The following TOP2B variants were observed in gnomAD, a reference collection of about 807,000 sequenced individuals.
TOP2B encodes DNA topoisomerase 2-beta.
In TOP2B, 51 loss-of-function variants were observed where a neutral mutation model predicts 193.5. The ratio of observed to expected loss-of-function variants is 0.26; its 90% CI spans 0.21 to 0.33. The LOEUF (loss-of-function observed/expected upper bound fraction) is 0.33. Among genes scored for constraint, TOP2B ranks in the 10% least tolerant of loss-of-function variants. TOP2B has a pLI of 1.00. For synonymous variants in TOP2B, 634 were observed against 635.7 expected (o/e 1.00, Z 0.04); for missense variants, 1,378 against 1,909.3 (o/e 0.72, Z 5.19).
At chr3:25,630,973 C>A in intron 10 of TOP2B, 34 bp from the exon 11 acceptor site, 1 of 1,536,990 alleles carries the variant, frequency 6.5e-7, no homozygotes, top group East Asian at 2.4e-5. Flanking sequence ...TACAAACAAG[C>A]TGAAAATTCA....
At position 25,609,661 on chromosome 3, in the gene TOP2B, C is replaced by T; in HGVS notation, c.3838G>A (p.Gly1280Arg). 6.5e-7 allele frequency: 1 copy of T among 1,537,932 alleles called. No individual in the cohort carries two copies. The highest frequency in any genetic ancestry group is 8.7e-7 in the Non-Finnish European group (1 of 1,148,080). The change falls in exon 29 of 36, where the codon GGA (glycine) becomes AGA (arginine). Residue 1280 changes from glycine to arginine, a missense_variant. Physicochemically the swap from Gly to Arg is moderately radical, Grantham distance 125. Transcript: ENST00000264331. ...VKVEFDEEFS[G>R]APVEGAGEEA... Reference sequence around the variant, plus strand: ...TCTCCTGCACCTTCTACTGGTGCTCCACTGAATTCTTCATCAAATTCCACT... The same window carrying T: ...TCTCCTGCACCTTCTACTGGTGCTCTACTGAATTCTTCATCAAATTCCACT...
In TOP2B at chr3:25,662,975, G is replaced by C. The variant is rs570771922; in HGVS notation, c.69+1254C>G. Among the ~76,000 whole-genome samples, 3 of 152,294 alleles carry C rather than the reference G, an allele frequency of 2.0e-5. No homozygotes were observed. The South Asian group carries it at 6.2e-4, about 32-fold the overall frequency. ...TCCTCTCACATACCCTCTACTGCAA[G>C]TCCACATGGACCACTAACTTAGTAT... On this transcript the variant is annotated intron_variant, in intron 1 of 35. Coordinates refer to ENST00000264331, the MANE Select transcript of TOP2B (RefSeq NM_001330700.2).
Position 25,654,789 on chromosome 3 carries a change from C to A in TOP2B, c.70-9319G>T, listed in dbSNP as rs1703698369. 6.6e-5 allele frequency among the ~76,000 whole-genome samples: 10 copies of A among 152,142 alleles called. No homozygotes were observed. In the South Asian group the frequency reaches 2.1e-3, roughly 32 times the overall value. On this transcript the variant is annotated intron_variant, in intron 1 of 35. Transcript: ENST00000264331. ...TTACATAAAAGGCCAAATGATTTTT[C>A]ACAAGAATGCCAAGACTACACAGTG...
rs775726398 is a variant in TOP2B, at chr3:25,664,299, G to C, written c.-2C>G. 1 of 1,531,784 alleles carries C rather than the reference G, an allele frequency of 6.5e-7. No individual in the cohort carries two copies. The highest frequency in any genetic ancestry group is 2.5e-5 in the East Asian group (1 of 40,434). The allele number at this position is 1,531,784 out of a possible 1,614,324, so 94.9% of individuals were successfully genotyped here. A position where few individuals can be genotyped will look rare whatever the true frequency, so the allele number is the denominator to read the frequency against. On this transcript the variant is annotated 5_prime_UTR_variant, in exon 1 of 36. Transcript: ENST00000264331. ...GCCGCAGCCACCCGACTTGGCCATG[G>C]CGAGTGCCTCCAGCTCACAGGCCCT...
chr3:25,623,440 C>G, intron 21 of TOP2B, 75 bp downstream of exon 21: 1 of 1,363,752 alleles, frequency 7.3e-7, no homozygotes, highest in Non-Finnish European at 1.0e-6. Context: ...TGTTCCATTA[C>G]TTTTCTAAAA....
chr3:25,604,808 G>T lies in TOP2B; in HGVS notation c.4441C>A (p.Leu1481Met). The T allele has an allele frequency of 6.2e-7, 1 of 1,612,908 alleles. No individual in the cohort carries two copies. The highest frequency in any genetic ancestry group is 1.1e-5 in the South Asian group (1 of 91,006). Residue 1481 changes from leucine to methionine, a missense_variant, in exon 33 of 36, where the codon CTG becomes ATG. Leu to Met is a conservative substitution (Grantham distance 15). This residue lies in a region of TOP2B where 556 missense variants were observed against 584.2 expected (regional missense o/e 0.95). Transcript: ENST00000264331. ...CTTGGAACTTTATCTGTCTGTTTCA[G>T]ACCAAATGATGGTGAAAAAACAGAA... ...SASVFSPSFG[L>M]KQTDKVPSKT...
chr3:25,638,314 TAAAAAAAAAAAAAAAAAAAAA>T lies in TOP2B; in HGVS notation c.396-25_396-5del, dbSNP rs56986587. 4.1e-3 allele frequency: 540 copies of T among 131,874 alleles called. 1 individual carries two copies. The highest frequency in any genetic ancestry group is 0.02 in the East Asian group (81 of 4,072). 8.2% of individuals were successfully genotyped at this position (131,874 alleles called of 1,614,324 possible). ...AATGCTTATAATGTTAGATTCACTGTAAAAAAAAAAAAAAAAAAAAAAAAAAAAAAAAAAAAAAGCAGAATT... is the reference window on the plus strand; with the variant it reads ...AATGCTTATAATGTTAGATTCACTGTAAAAAAAAAAAAAAAAAGCAGAATT... On this transcript the variant is annotated splice_region_variant and splice_polypyrimidine_tract_variant and intron_variant, in intron 4 of 35. Transcript: ENST00000264331.
rs1255453000 is a variant in TOP2B, at chr3:25,642,402, C to T, written c.332-17G>A. The T allele has an allele frequency of 1.3e-6, 2 of 1,499,976 alleles. No homozygotes were observed. Among genetic ancestry groups the T allele is most frequent in the East Asian group, 4.9e-5 (2 of 40,534 alleles). 92.9% of individuals were successfully genotyped at this position (1,499,976 alleles called of 1,614,324 possible). On this transcript the variant is annotated splice_polypyrimidine_tract_variant and intron_variant, in intron 3 of 35. Transcript: ENST00000264331. The stretch of plus-strand genomic sequence containing the variant: ...CAGCATTAACTACAAAATTAAACAC[C>T]TCAATGAGTAATATACAAAATTATA...
chr3:25,646,314 C>T (rs1703414509), intron 1 of TOP2B, among the ~76,000 whole-genome samples: 1 of 152,160 alleles, frequency 6.6e-6, no homozygotes, highest in Non-Finnish European at 1.5e-5. Flanking sequence ...AAATTTCACA[C>T]ATTTGTAGAT....
At chr3:25,659,991 A>G (rs1049673586) in intron 1 of TOP2B, among the ~76,000 whole-genome samples, 1 of 152,230 alleles carries the variant, frequency 6.6e-6, no homozygotes, top group African/African-American at 2.4e-5. Flanking sequence ...ATGGGGTTCT[A>G]TACGTGTTAA....
intron 18 of TOP2B, among the ~76,000 whole-genome samples, chr3:25,625,526 G>A (rs1702771745): frequency 7.9e-6 from 1 of 126,168 alleles, no homozygotes; most frequent in African/African-American, 3.3e-5. Context: ...AAAACATCAT[G>A]AGGTTTTTTG....
chr3:25,621,035 T>C (rs576402456), intron 21 of TOP2B, among the ~76,000 whole-genome samples: 1 of 152,330 alleles, frequency 6.6e-6, no homozygotes, highest in African/African-American at 2.4e-5. Flanking sequence ...CTAGTCTTCC[T>C]AGAACAGTAC....
chr3:25,624,189 G>T, intron 20 of TOP2B, 108 bp downstream of exon 20: 1 of 1,312,606 alleles, frequency 7.6e-7, no homozygotes, highest in South Asian at 1.4e-5. Flanking sequence ...CTTCTAAGTA[G>T]AATAACCAGA....
intron 22 of TOP2B, 41 bp downstream of exon 22, chr3:25,620,641 A>T: frequency 6.3e-7 from 1 of 1,587,708 alleles, no homozygotes; most frequent in Non-Finnish European, 8.6e-7. Flanking sequence ...ATTGCTTAAT[A>T]CACTGCCCTT....
intron 29 of TOP2B, 23 bp downstream of exon 29, chr3:25,609,545 G>A (rs1325775950): frequency 3.8e-6 from 6 of 1,599,548 alleles, no homozygotes; most frequent in Non-Finnish European, 5.1e-6. Context: ...TCACACACAT[G>A]CAAAACTATA....
rs1030276495 is a variant in TOP2B, at chr3:25,664,151, C to A, written c.69+78G>T. On this transcript the variant is annotated intron_variant, in intron 1 of 35. Transcript: ENST00000264331. The stretch of plus-strand genomic sequence containing the variant: ...GACGGGATTTCCCTCCCTTTCCCCT[C>A]CCCCGCCCGTTCGGAATTCCGCCCC... 9.3e-6 allele frequency: 14 copies of A among 1,512,864 alleles called. No individual in the cohort carries two copies. In the African/African-American group the frequency reaches 1.3e-4, roughly 14 times the overall value. The allele number at this position is 1,512,864 out of a possible 1,614,324, so 93.7% of individuals were successfully genotyped here.
chr3:25,652,335 A>T (rs945335840), intron 1 of TOP2B, among the ~76,000 whole-genome samples: 2 of 152,224 alleles, frequency 1.3e-5, no homozygotes, highest in African/African-American at 4.8e-5. Flanking sequence ...CCTAACAGAC[A>T]TACTCAGAAC....
Position 25,628,070 on chromosome 3 carries a change from A to T in TOP2B, c.1907-774T>A, listed in dbSNP as rs544576672. 8.5e-5 allele frequency among the ~76,000 whole-genome samples: 7 copies of T among 82,070 alleles called. No individual in the cohort carries two copies. In the South Asian group the frequency reaches 1.7e-3, roughly 20 times the overall value. 53.8% of individuals were successfully genotyped at this position (82,070 alleles called of 152,430 possible). A position where few individuals can be genotyped will look rare whatever the true frequency, so the allele number is the denominator to read the frequency against. ...CTATCTCAAAAAAATAAAAACAATT[A>T]AAAAAAAACGAAATAAAAATAAAAA... On this transcript the variant is annotated intron_variant, in intron 15 of 35. Transcript: ENST00000264331.
chr3:25,616,833 T>C (rs1302493694), intron 25 of TOP2B, among the ~76,000 whole-genome samples: 2 of 151,974 alleles, frequency 1.3e-5, no homozygotes, highest in Admixed American at 6.6e-5. Flanking sequence ...TCTATGAATA[T>C]GTGTATCTAT....
Sources: allele counts gnomAD v4.1 joint callset (sites outside exome capture counted in the v4.1 genomes callset), GRCh38; gene constraint gnomAD v4.1.1; regional missense constraint gnomAD v4.1.1; transcripts MANE v1.5; gene names NCBI Gene and HGNC (gene_info 2026-07-23, HGNC 2026-07-21).